CUEDC1: variants seen among roughly 807,000 people sequenced by gnomAD.
CUEDC1 encodes the protein CUE domain-containing protein 1.
A neutral mutation model predicts 43.7 loss-of-function variants in CUEDC1; 30 were observed. The observed-to-expected ratio is 0.69, with a 90% CI of 0.51 to 0.93. The LOEUF is 0.93. Ranked by LOEUF, CUEDC1 falls within the 40% of genes least tolerant of loss-of-function variation. The probability of loss-of-function intolerance (pLI) is 0.00; values close to 1 mark genes in which losing one functional copy is unlikely to be tolerated. For synonymous variants in CUEDC1, 223 were observed against 223.6 expected (o/e 1.00, Z 0.02); for missense variants, 486 against 549.0 (o/e 0.89, Z 1.15).
intron 5 of CUEDC1, 139 bp from the exon 6 acceptor site, chr17:57,871,508 G>T: frequency 1.6e-6 from 1 of 643,088 alleles, no homozygotes; most frequent in South Asian, 1.8e-5. Flanking sequence ...CAAAATATGA[G>T]TGCACACATC....
Position 57,872,766 on chromosome 17 carries a change from C to G in CUEDC1, c.681G>C (p.Trp227Cys). The change falls in exon 5 of 11, where the codon TGG becomes TGC. Residue 227 changes from tryptophan to cysteine, a missense_variant. Transcript: ENST00000577830. ...TCCTCTCGTCCTCCAGGTACTGCTT[C>G]CAGCGGCTCTCCTGGTCTCCGGGCC... Reference protein sequence around the residue: ...GPGPGDQESRWKQYLEDERIA... With the variant: ...GPGPGDQESRCKQYLEDERIA... 6.2e-7 allele frequency: 1 copy of G among 1,614,244 alleles called. No individual in the cohort carries two copies. Among genetic ancestry groups the G allele is most frequent in the Non-Finnish European group, 8.5e-7 (1 of 1,180,044 alleles).
At chr17:57,900,415 T>C (rs906128152) in intron 1 of CUEDC1, among the ~76,000 whole-genome samples, 4 of 152,142 alleles carry the variant, frequency 2.6e-5, no homozygotes, top group African/African-American at 9.7e-5. Flanking sequence ...GAAGGGTCTG[T>C]ACACTTTCTT....
At chr17:57,901,831 C>T (rs553927337) in intron 1 of CUEDC1, among the ~76,000 whole-genome samples, 1 of 152,372 alleles carries the variant, frequency 6.6e-6, no homozygotes, top group African/African-American at 2.4e-5. Context: ...CTTCCAGAAG[C>T]AGCTAGACAT....
chr17:57,949,999 C>G lies in CUEDC1; in HGVS notation c.-316+5226G>C, dbSNP rs553896446. ...GTCTCTTATGTCTCTATTTCTTCACCTGAAAAATTGGTATAATATCTCATA... is the reference window on the plus strand; with the variant it reads ...GTCTCTTATGTCTCTATTTCTTCACGTGAAAAATTGGTATAATATCTCATA... On this transcript the variant is annotated intron_variant, in intron 1 of 10. Transcript: ENST00000577830. 1.1e-4 allele frequency among the ~76,000 whole-genome samples: 16 copies of G among 152,240 alleles called. No individual in the cohort carries two copies. In the East Asian group the frequency reaches 2.9e-3, roughly 28 times the overall value.
intron 3 of CUEDC1, among the ~76,000 whole-genome samples, chr17:57,875,104 A>T (rs1312691677): frequency 6.6e-6 from 1 of 152,032 alleles, no homozygotes; most frequent in Non-Finnish European, 1.5e-5. Flanking sequence ...TCACTGTTGG[A>T]GGCTTCATTT....
At chr17:57,897,398 C>T (rs1455372896) in intron 1 of CUEDC1, among the ~76,000 whole-genome samples, 2 of 152,156 alleles carry the variant, frequency 1.3e-5, no homozygotes, top group African/African-American at 4.8e-5. Flanking sequence ...TAGCCGGGCG[C>T]AGTGGCTCAC....
chr17:57,925,789 G>C (rs1310344345), intron 1 of CUEDC1, among the ~76,000 whole-genome samples: 2 of 152,230 alleles, frequency 1.3e-5, no homozygotes, highest in African/African-American at 4.8e-5. Flanking sequence ...CAAAAGAGAA[G>C]GAGCCACAGC....
At chr17:57,942,532 G>C (rs1029476165) in intron 1 of CUEDC1, among the ~76,000 whole-genome samples, 17 of 151,944 alleles carry the variant, frequency 1.1e-4, no homozygotes, top group Non-Finnish European at 1.3e-4. Flanking sequence ...GACACTACAA[G>C]CATGCACCAC....
At chr17:57,926,360 C>T (rs548677886) in intron 1 of CUEDC1, among the ~76,000 whole-genome samples, 11 of 152,214 alleles carry the variant, frequency 7.2e-5, no homozygotes, top group African/African-American at 2.6e-4. Flanking sequence ...AGAGCATTGG[C>T]CTAGCAGTCA....
Position 57,880,934 on chromosome 17 carries a change from C to T in CUEDC1, c.337-1196G>A, listed in dbSNP as rs116919518. The stretch of plus-strand genomic sequence containing the variant: ...CCGCTCACTCCCCACAACTCTGTTC[C>T]CATCTCCTCCAAGATCAAAGAATAT... On this transcript the variant is annotated intron_variant, in intron 2 of 10. Transcript: ENST00000577830. 4.6e-3 allele frequency among the ~76,000 whole-genome samples: 695 copies of T among 152,292 alleles called. 4 individuals are homozygous for T. The highest frequency in any genetic ancestry group is 0.024 in the South Asian group (117 of 4,822).
At chr17:57,889,876 C>A (rs964339519) in intron 1 of CUEDC1, among the ~76,000 whole-genome samples, 5 of 152,246 alleles carry the variant, frequency 3.3e-5, no homozygotes, top group Non-Finnish European at 7.3e-5. Context: ...AAGCTCAGGG[C>A]AGAGTCTGAG....
intron 1 of CUEDC1, among the ~76,000 whole-genome samples, chr17:57,939,134 A>G (rs1458705764): frequency 6.6e-6 from 1 of 151,616 alleles, no homozygotes; most frequent in Non-Finnish European, 1.5e-5. Context: ...TGCCTGGCTA[A>G]TTTTTGTATT....
Position 57,869,194 on chromosome 17 carries a change from C to A in CUEDC1, c.869-1G>T, listed in dbSNP as rs749406977. 6.2e-7 allele frequency: 1 copy of A among 1,613,634 alleles called. No individual in the cohort carries two copies. Among genetic ancestry groups the A allele is most frequent in the Non-Finnish European group, 8.5e-7 (1 of 1,179,810 alleles). On this transcript the variant is annotated splice_acceptor_variant, in intron 6 of 10. Coordinates refer to ENST00000577830, the MANE Select transcript of CUEDC1 (RefSeq NM_001271875.2). LOFTEE classifies it high-confidence loss of function. ...ACAGCGGGGTTGGCGTCGCCAGTTC[C>A]TGGAAGGAGACACCTGCTGAAGGCC...
chr17:57,879,924 T>C (rs148559928), intron 2 of CUEDC1, among the ~76,000 whole-genome samples, 186 bp from the exon 3 acceptor site: 14 of 152,338 alleles, frequency 9.2e-5, no homozygotes, highest in Non-Finnish European at 1.8e-4. Context: ...AACACATGGC[T>C]ACCTCTGACC....
At chr17:57,876,271 G>GC (rs1163455870) in intron 3 of CUEDC1, among the ~76,000 whole-genome samples, 2 of 152,110 alleles carry the variant, frequency 1.3e-5, no homozygotes, top group East Asian at 1.9e-4. Context: ...AGCCTCACCC[G>GC]CCGTTAGGTA....
chr17:57,934,355 G>A (rs2074839050), intron 1 of CUEDC1, among the ~76,000 whole-genome samples: 1 of 151,978 alleles, frequency 6.6e-6, no homozygotes, highest in Non-Finnish European at 1.5e-5. Flanking sequence ...TCACACCACT[G>A]CACTCCAGCC....
intron 1 of CUEDC1, chr17:57,892,800 TA>T (rs2074369511): frequency 6.6e-6 from 1 of 150,516 alleles, no homozygotes; most frequent in African/African-American, 2.4e-5. Context: ...TCAGGGGTCT[TA>T]GCACCCAAGA....
intron 1 of CUEDC1, among the ~76,000 whole-genome samples, chr17:57,910,899 T>C (rs1052412919): frequency 6.6e-6 from 1 of 152,094 alleles, no homozygotes; most frequent in Non-Finnish European, 1.5e-5. Context: ...CTTTGCTCTG[T>C]TACCATGGCC....
At chr17:57,905,249 G>GACACACACACACACACACACACACAC (rs761744709) in intron 1 of CUEDC1, among the ~76,000 whole-genome samples, 61 of 128,010 alleles carry the variant, frequency 4.8e-4, no homozygotes, top group East Asian at 8.1e-4. Context: ...CTCTCTCTCT[G>GACACACACACACACACACACACACAC]ACACACACAC....
Sources: allele counts gnomAD v4.1 joint callset (sites outside exome capture counted in the v4.1 genomes callset), GRCh38; gene constraint gnomAD v4.1.1; transcripts MANE v1.5; gene names NCBI Gene and HGNC (gene_info 2026-07-23, HGNC 2026-07-21).